Variants in TENM4 observed in about 807,000 individuals in gnomAD.
The protein encoded by TENM4 is teneurin transmembrane protein 4.
A neutral mutation model predicts 243.3 loss-of-function variants in TENM4; 82 were observed. That is an observed-to-expected ratio of 0.34 (90% confidence interval 0.28 to 0.40). TENM4 has a LOEUF of 0.40. Among genes scored for constraint, TENM4 ranks in the 10% least tolerant of loss-of-function variants. The pLI is 1.00. For synonymous variants in TENM4, 1,412 were observed against 1,456.3 expected, an observed-to-expected ratio of 0.97 and a Z score of 0.69; for missense variants, 3,138 against 3,673.3, an observed-to-expected ratio of 0.85 and a Z score of 3.77.
At chr11:78,939,264 A>G (rs1856843020) in intron 6 of TENM4, among the ~76,000 whole-genome samples, 1 of 152,198 alleles carries the variant, frequency 6.6e-6, no homozygotes, top group Non-Finnish European at 1.5e-5. Flanking sequence ...GAAGCCCAGA[A>G]TGATCTTTCT....
intron 1 of TENM4, among the ~76,000 whole-genome samples, chr11:79,423,112 C>T (rs1858970553): frequency 6.6e-6 from 1 of 152,130 alleles, no homozygotes; most frequent in Admixed American, 6.5e-5. Context: ...ATGCCATTGG[C>T]CTGTGTCATC....
intron 6 of TENM4, among the ~76,000 whole-genome samples, chr11:78,926,366 C>T (rs1303848750): frequency 7.9e-5 from 12 of 151,316 alleles, no homozygotes; most frequent in South Asian, 6.3e-4. Context: ...CTCTGCCTCC[C>T]GGGTTCAAGC....
chr11:78,672,051 G>A lies in TENM4; in HGVS notation c.5775C>T (p.Ser1925=), dbSNP rs1858341649. 1 of 1,613,734 alleles carries A rather than the reference G, an allele frequency of 6.2e-7. No homozygotes were observed. Among genetic ancestry groups the A allele is most frequent in the Non-Finnish European group, 8.5e-7 (1 of 1,179,838 alleles). Residue 1925 remains serine (S), a synonymous_variant, in exon 31 of 34, where the codon AGC becomes AGT. Coordinates refer to ENST00000278550, the MANE Select transcript of TENM4 (RefSeq NM_001098816.3). ...CACCTGCCTTCTCTAAGTATGTGTA[G>A]CTCCATGTCTTCCCATCAGCGAAGA... is the stretch of plus-strand genomic sequence containing the variant. The part of the protein sequence containing the change: ...SRIFADGKTW[S]YTYLEKSMVL...
chr11:79,166,886 G>A (rs970476147), intron 3 of TENM4, among the ~76,000 whole-genome samples: 6 of 152,200 alleles, frequency 3.9e-5, no homozygotes, highest in African/African-American at 1.4e-4. Flanking sequence ...ATGGTTGAGA[G>A]GCACAAAACT....
At chr11:78,697,025 C>T (rs1451346982) in intron 28 of TENM4, among the ~76,000 whole-genome samples, 1 of 152,132 alleles carries the variant, frequency 6.6e-6, no homozygotes, top group African/African-American at 2.4e-5. Context: ...GGGGTGTATG[C>T]TCCTCCCTCA....
chr11:79,140,415 C>T (rs1422135357), intron 4 of TENM4, among the ~76,000 whole-genome samples: 4 of 152,078 alleles, frequency 2.6e-5, no homozygotes, highest in African/African-American at 9.7e-5. Flanking sequence ...GGGGATGTGT[C>T]CTAAGTAGAT....
intron 31 of TENM4, 71 bp downstream of exon 31, chr11:78,671,962 G>C: frequency 6.6e-7 from 1 of 1,525,214 alleles, no homozygotes. Context: ...GAGGCCACCA[G>C]GCTGGGCTTG....
At chr11:79,037,281 G>T (rs938302241) in intron 6 of TENM4, among the ~76,000 whole-genome samples, 5 of 152,168 alleles carry the variant, frequency 3.3e-5, no homozygotes, top group African/African-American at 1.2e-4. Flanking sequence ...CAACTACATG[G>T]CAAGTTTCAT....
intron 15 of TENM4, among the ~76,000 whole-genome samples, chr11:78,789,018 T>C (rs1856998258): frequency 1.3e-5 from 2 of 152,158 alleles, no homozygotes; most frequent in Admixed American, 6.5e-5. Flanking sequence ...CATTTTTACA[T>C]GGTAGAGTGG....
intron 6 of TENM4, among the ~76,000 whole-genome samples, chr11:79,046,518 A>T (rs1859664491): frequency 6.6e-6 from 1 of 152,096 alleles, no homozygotes. Flanking sequence ...TTGGAAATAG[A>T]GTTGTTGCAG....
At chr11:78,921,374 A>G (rs767746197) in intron 6 of TENM4, among the ~76,000 whole-genome samples, 2 of 152,252 alleles carry the variant, frequency 1.3e-5, no homozygotes, top group East Asian at 1.9e-4. Context: ...ACTGTGCCCA[A>G]GGGAACTTGA....
chr11:79,406,930 T>A (rs562925229), intron 1 of TENM4, among the ~76,000 whole-genome samples: 1 of 152,132 alleles, frequency 6.6e-6, no homozygotes, highest in Non-Finnish European at 1.5e-5. Flanking sequence ...AGCAAAAAAA[T>A]TTGATCATCA....
intron 6 of TENM4, among the ~76,000 whole-genome samples, chr11:78,943,625 A>AT (rs35532701): frequency 6.6e-5 from 10 of 151,268 alleles, no homozygotes; most frequent in South Asian, 2.1e-4. Flanking sequence ...TTTAAAAACC[A>AT]TTTTTTTTTC....
At chr11:79,172,757 A>T (rs898628808) in intron 3 of TENM4, among the ~76,000 whole-genome samples, 1 of 150,946 alleles carries the variant, frequency 6.6e-6, no homozygotes, top group African/African-American at 2.4e-5. Flanking sequence ...CTCTGCCTCA[A>T]CCTTCAGAGT....
At chr11:79,285,574 T>TAGG (rs1189913701) in intron 2 of TENM4, among the ~76,000 whole-genome samples, 4 of 152,172 alleles carry the variant, frequency 2.6e-5, no homozygotes, top group Non-Finnish European at 5.9e-5. Context: ...ATAGCATCAT[T>TAGG]ATTCATAATA....
chr11:78,702,146 T>C lies in TENM4; in HGVS notation c.4467A>G (p.Lys1489=). 2 of 1,613,976 alleles carry C rather than the reference T, an allele frequency of 1.2e-6. No individual in the cohort carries two copies. Among genetic ancestry groups the C allele is most frequent in the Non-Finnish European group, 8.5e-7 (1 of 1,179,888 alleles). ...TGACCTGCCTGATGCGGTTGATCTT[T>C]TTCTCATCAGTCTCAGCAATATACA... The part of the protein sequence containing the change: ...GVLYIAETDE[K]KINRIRQVTT... Residue 1489 remains lysine, a synonymous_variant, in exon 28 of 34, where the codon AAA becomes AAG. Coordinates refer to ENST00000278550, the MANE Select transcript of TENM4 (RefSeq NM_001098816.3).
intron 9 of TENM4, among the ~76,000 whole-genome samples, chr11:78,880,457 T>TAAAGAAAAAAAAA (rs1859402315): frequency 9.6e-6 from 1 of 104,648 alleles, no homozygotes; most frequent in African/African-American, 6.8e-5. Context: ...CAATAAATAC[T>TAAAGAAAAAAAAA]AAAAAAAAAA....
chr11:78,824,743 A>G (rs984265331), intron 12 of TENM4, among the ~76,000 whole-genome samples: 2 of 152,126 alleles, frequency 1.3e-5, no homozygotes, highest in Admixed American at 6.5e-5. Flanking sequence ...AGCTCAGGCA[A>G]TCCACCCACC....
chr11:78,751,164 A>T (rs1194871543), intron 19 of TENM4, among the ~76,000 whole-genome samples: 1 of 152,176 alleles, frequency 6.6e-6, no homozygotes, highest in African/African-American at 2.4e-5. Context: ...TACAGGCGTG[A>T]GCCAGCATGC....
Sources: allele counts gnomAD v4.1 joint callset (sites outside exome capture counted in the v4.1 genomes callset), GRCh38; gene constraint gnomAD v4.1.1; transcripts MANE v1.5; gene names NCBI Gene and HGNC (gene_info 2026-07-23, HGNC 2026-07-21).